The following ACER3 variants were observed in gnomAD, a reference collection of about 807,000 sequenced individuals.
ACER3 encodes the protein alkCDase 3.
ACER3 carries 16 observed loss-of-function variants against 48.9 expected under a neutral mutation model. The ratio of observed to expected loss-of-function variants is 0.33; its 90% CI spans 0.22 to 0.50. ACER3 has a LOEUF of 0.50. ACER3 is among the 20% of genes least tolerant of loss of function. ACER3 has a pLI of 0.98. For synonymous variants in ACER3, 109 were observed against 107.8 expected (o/e 1.01, Z -0.07); for missense variants, 227 against 326.0 (o/e 0.70, Z 2.34).
At chr11:76,958,553 TTTGCAGTCATA>T (rs1210250663) in intron 2 of ACER3, among the ~76,000 whole-genome samples, 1 of 152,184 alleles carries the variant, frequency 6.6e-6, no homozygotes, top group Non-Finnish European at 1.5e-5. Flanking sequence ...AACAACTCTT[TTTGCAGTCATA>T]GCTCTGATAA....
chr11:76,939,307 A>AGGGAAGAAT (rs781323287), intron 2 of ACER3, among the ~76,000 whole-genome samples: 10 of 152,358 alleles, frequency 6.6e-5, no homozygotes, highest in Admixed American at 2.0e-4. Context: ...TTATTTACAA[A>AGGGAAGAAT]GGGAAGAATG....
chr11:76,868,541 A>G (rs538384183), intron 1 of ACER3, among the ~76,000 whole-genome samples: 3 of 151,724 alleles, frequency 2.0e-5, no homozygotes, highest in Admixed American at 6.6e-5. Flanking sequence ...CAGAATCTCC[A>G]TCTCTCTGGT....
intron 6 of ACER3, among the ~76,000 whole-genome samples, chr11:76,997,761 C>T (rs1948945849): frequency 6.6e-6 from 1 of 152,162 alleles, no homozygotes; most frequent in Non-Finnish European, 1.5e-5. Flanking sequence ...TGGCTTGAGC[C>T]TGTGAGATCA....
chr11:76,969,845 A>C (rs992554166), intron 3 of ACER3, among the ~76,000 whole-genome samples: 3 of 151,386 alleles, frequency 2.0e-5, no homozygotes, highest in African/African-American at 7.3e-5. Context: ...ACCTAATGCT[A>C]AATGACGAGT....
At chr11:76,943,741 T>C (rs1947400397) in intron 2 of ACER3, among the ~76,000 whole-genome samples, 1 of 67,722 alleles carries the variant, frequency 1.5e-5, no homozygotes, top group Admixed American at 1.1e-4. Context: ...GTCAGTGATG[T>C]GTTGAAGACC....
At chr11:77,002,210 T>C (rs1468708388) in intron 7 of ACER3, among the ~76,000 whole-genome samples, 1 of 152,226 alleles carries the variant, frequency 6.6e-6, no homozygotes, top group Non-Finnish European at 1.5e-5. Context: ...AACATATGAA[T>C]ATCAGAGGAA....
At chr11:76,887,799 T>C (rs1243668462) in intron 1 of ACER3, among the ~76,000 whole-genome samples, 1 of 149,868 alleles carries the variant, frequency 6.7e-6, no homozygotes, top group Admixed American at 6.7e-5. Flanking sequence ...GGATGTTAAT[T>C]ACTATAGGTA....
chr11:76,948,382 A>G (rs1313442127), intron 2 of ACER3, among the ~76,000 whole-genome samples: 1 of 152,132 alleles, frequency 6.6e-6, no homozygotes. Flanking sequence ...AATAACCTAA[A>G]TGGCTTCTTA....
At chr11:76,974,988 T>A (rs568404223) in intron 3 of ACER3, among the ~76,000 whole-genome samples, 2 of 152,152 alleles carry the variant, frequency 1.3e-5, no homozygotes, top group Non-Finnish European at 2.9e-5. Context: ...AACAAAAAAA[T>A]TAATGACTAA....
At chr11:76,950,057 C>A (rs1282496475) in intron 2 of ACER3, among the ~76,000 whole-genome samples, 1 of 151,962 alleles carries the variant, frequency 6.6e-6, no homozygotes, top group Non-Finnish European at 1.5e-5. Flanking sequence ...TAGAAAGCCG[C>A]CTTTTAAATC....
At chr11:76,944,499 C>CT (rs34185686) in intron 2 of ACER3, among the ~76,000 whole-genome samples, 103,146 of 151,872 alleles carry the variant, frequency 0.68, 35,429 homozygotes, top group Non-Finnish European at 0.74. Flanking sequence ...TTGGCTGATT[C>CT]TTTTTTCTTT....
chr11:76,996,231 C>T (rs2135249206), intron 6 of ACER3, among the ~76,000 whole-genome samples: 1 of 152,082 alleles, frequency 6.6e-6, no homozygotes, highest in East Asian at 1.9e-4. Flanking sequence ...CTGATATTAC[C>T]CTAGTTCAGG....
chr11:76,944,115 A>G (rs1947417381), intron 2 of ACER3, among the ~76,000 whole-genome samples: 1 of 151,880 alleles, frequency 6.6e-6, no homozygotes, highest in East Asian at 1.9e-4. Context: ...CATTCTGTCA[A>G]TCTATATATT....
intron 2 of ACER3, among the ~76,000 whole-genome samples, chr11:76,941,939 AATTGC>A (rs1947352047): frequency 4.6e-5 from 7 of 151,876 alleles, no homozygotes; most frequent in Admixed American, 2.0e-4. Flanking sequence ...TTATAAATGG[AATTGC>A]TTTCCTGATT....
At chr11:76,862,876 C>G (rs1169467890) in intron 1 of ACER3, among the ~76,000 whole-genome samples, 1 of 152,054 alleles carries the variant, frequency 6.6e-6, no homozygotes, top group African/African-American at 2.4e-5. Flanking sequence ...AAGGGGCTGG[C>G]CTTAGTTGCA....
intron 1 of ACER3, among the ~76,000 whole-genome samples, chr11:76,895,066 T>A (rs1458917114): frequency 6.6e-6 from 1 of 152,198 alleles, no homozygotes; most frequent in Non-Finnish European, 1.5e-5. Flanking sequence ...ATATTTGGAA[T>A]ATAGCCTAGT....
chr11:77,017,900 A>G (rs1949400487), intron 9 of ACER3, among the ~76,000 whole-genome samples: 2 of 137,592 alleles, frequency 1.5e-5, no homozygotes, highest in Admixed American at 1.4e-4. Flanking sequence ...AAACTTTATT[A>G]TTATTATTAT....
chr11:77,008,184 T>C (rs964462775), intron 7 of ACER3, among the ~76,000 whole-genome samples: 1 of 152,224 alleles, frequency 6.6e-6, no homozygotes, highest in Non-Finnish European at 1.5e-5. Flanking sequence ...CTTATGTTTG[T>C]CTTATATATA....
At chr11:76,937,149 A>G (rs1227123250) in intron 2 of ACER3, among the ~76,000 whole-genome samples, 1 of 152,248 alleles carries the variant, frequency 6.6e-6, no homozygotes, top group Non-Finnish European at 1.5e-5. Context: ...TTTACTTAAT[A>G]AGAGAAATGC....
Sources: gnomAD v4.1 joint callset for allele counts (sites outside exome capture counted in the v4.1 genomes callset) on GRCh38, gnomAD v4.1.1 for gene constraint, MANE v1.5 for transcripts, NCBI Gene and HGNC (gene_info 2026-07-23, HGNC 2026-07-21) for gene names.